ADCY2: variants seen among roughly 807,000 people sequenced by gnomAD.
ADCY2 encodes the protein adenylate cyclase 2.
In ADCY2, 31 loss-of-function variants were observed where a neutral mutation model predicts 125.2. The ratio of observed to expected loss-of-function variants is 0.25; its 90% confidence interval spans 0.19 to 0.33. The LOEUF is 0.33. ADCY2 is among the 10% of genes least tolerant of loss of function. ADCY2 has a pLI of 1.00. For missense variants in ADCY2, 904 were observed against 1,418.2 expected (o/e 0.64, Z 5.82); for synonymous variants, 512 against 548.4 (o/e 0.93, Z 0.93).
At chr5:7,561,519 T>C (rs1735707202) in intron 3 of ADCY2, among the ~76,000 whole-genome samples, 1 of 148,592 alleles carries the variant, frequency 6.7e-6, no homozygotes, top group South Asian at 2.1e-4. Flanking sequence ...TGATTTGTCA[T>C]TGATTGAAAC....
intron 5 of ADCY2, chr5:7,692,054 A>T (rs1579321001): frequency 1.3e-5 from 2 of 152,196 alleles, no homozygotes; most frequent in East Asian, 3.9e-4. Context: ...CTCCTCCAAC[A>T]CTGGGGATTA....
At chr5:7,571,312 G>A (rs1419276869) in intron 3 of ADCY2, among the ~76,000 whole-genome samples, 1 of 152,166 alleles carries the variant, frequency 6.6e-6, no homozygotes, top group African/African-American at 2.4e-5. Flanking sequence ...AGGGTGTTAA[G>A]TCCTGTTTGT....
intron 3 of ADCY2, among the ~76,000 whole-genome samples, chr5:7,538,404 G>C (rs1375780926): frequency 6.6e-6 from 1 of 152,174 alleles, no homozygotes; most frequent in African/African-American, 2.4e-5. Context: ...TTGGGAGTAT[G>C]TAATTCCCAG....
chr5:7,411,938 A>G (rs557250459), intron 1 of ADCY2, among the ~76,000 whole-genome samples: 2 of 151,490 alleles, frequency 1.3e-5, no homozygotes, highest in Non-Finnish European at 3.0e-5. Context: ...GGCCGGGCGT[A>G]GTGGCGGGCG....
intron 18 of ADCY2, among the ~76,000 whole-genome samples, chr5:7,777,999 G>A (rs1229737964): frequency 6.6e-6 from 1 of 152,142 alleles, no homozygotes; most frequent in Non-Finnish European, 1.5e-5. Context: ...TTTCTCAGAT[G>A]TTTCCTATTC....
At chr5:7,519,076 G>A (rs1030223906) in intron 2 of ADCY2, among the ~76,000 whole-genome samples, 2 of 152,166 alleles carry the variant, frequency 1.3e-5, no homozygotes, top group African/African-American at 2.4e-5. Flanking sequence ...CAGGACCCAC[G>A]TTTATTTTTA....
intron 2 of ADCY2, among the ~76,000 whole-genome samples, chr5:7,470,143 A>AT (rs35607096): frequency 3.3e-5 from 5 of 151,424 alleles, no homozygotes; most frequent in South Asian, 2.1e-4. Flanking sequence ...TTATCTCATG[A>AT]TTTTTTTTAT....
At chr5:7,704,953 C>T (rs1279520626) in intron 7 of ADCY2, among the ~76,000 whole-genome samples, 1 of 151,394 alleles carries the variant, frequency 6.6e-6, no homozygotes, top group Non-Finnish European at 1.5e-5. Flanking sequence ...AAAAAGACAA[C>T]ATGGAGACGG....
chr5:7,405,859 C>CATTT (rs1310323556), intron 1 of ADCY2, among the ~76,000 whole-genome samples: 3 of 152,042 alleles, frequency 2.0e-5, no homozygotes, highest in Non-Finnish European at 2.9e-5. Flanking sequence ...AGTTTATTCC[C>CATTT]ATTTATTTAT....
chr5:7,772,654 GT>G (rs566591630), intron 17 of ADCY2, among the ~76,000 whole-genome samples: 4 of 151,488 alleles, frequency 2.6e-5, no homozygotes, highest in African/African-American at 9.7e-5. Context: ...TTCCATATAA[GT>G]TTTTTTTACA....
chr5:7,440,933 G>T (rs540109635), intron 2 of ADCY2, among the ~76,000 whole-genome samples: 1 of 152,246 alleles, frequency 6.6e-6, no homozygotes, highest in Admixed American at 6.5e-5. Flanking sequence ...AGAAGATGCT[G>T]CTGTCTCCAC....
intron 21 of ADCY2, among the ~76,000 whole-genome samples, chr5:7,803,161 C>T (rs578060966): frequency 2.6e-5 from 4 of 152,234 alleles, no homozygotes; most frequent in Admixed American, 6.5e-5. Context: ...TTCATGGTGA[C>T]GTAATGACCG....
At chr5:7,562,022 G>T (rs1388333198) in intron 3 of ADCY2, among the ~76,000 whole-genome samples, 2 of 152,074 alleles carry the variant, frequency 1.3e-5, no homozygotes, top group Non-Finnish European at 2.9e-5. Context: ...AGGCCTTATA[G>T]ATTTCTTGTT....
At chr5:7,636,857 A>T (rs866486622) in intron 4 of ADCY2, among the ~76,000 whole-genome samples, 3 of 152,168 alleles carry the variant, frequency 2.0e-5, no homozygotes, top group South Asian at 2.1e-4. Flanking sequence ...CAATCATGCT[A>T]AAGTGACTGA....
intron 4 of ADCY2, among the ~76,000 whole-genome samples, chr5:7,688,234 C>G (rs998615493): frequency 6.6e-6 from 1 of 151,600 alleles, no homozygotes; most frequent in Non-Finnish European, 1.5e-5. Flanking sequence ...CTGTTCATGT[C>G]TGAGGATATG....
At chr5:7,427,550 A>G (rs1232839498) in intron 2 of ADCY2, among the ~76,000 whole-genome samples, 2 of 152,152 alleles carry the variant, frequency 1.3e-5, no homozygotes, top group Admixed American at 1.3e-4. Flanking sequence ...ACTTCCCATC[A>G]GGTCCCTCCC....
intron 2 of ADCY2, among the ~76,000 whole-genome samples, chr5:7,479,633 AT>A (rs11331294): frequency 0.57 from 84,303 of 147,410 alleles, 23,819 homozygotes; most frequent in African/African-American, 0.6. Context: ...TACAATTAAA[AT>A]TTTTTTTTTT....
intron 4 of ADCY2, among the ~76,000 whole-genome samples, chr5:7,641,454 G>A (rs1561140366): frequency 2.0e-5 from 3 of 152,026 alleles, no homozygotes; most frequent in African/African-American, 7.2e-5. Flanking sequence ...ATCGTTCTGT[G>A]TTTTATTATA....
At chr5:7,703,399 G>A (rs1337496687) in intron 7 of ADCY2, among the ~76,000 whole-genome samples, 2 of 152,154 alleles carry the variant, frequency 1.3e-5, no homozygotes, top group Admixed American at 6.5e-5. Context: ...ATTAATTTTT[G>A]TATAAGGTGT....
Sources: gnomAD v4.1 joint callset for allele counts (sites outside exome capture counted in the v4.1 genomes callset) on GRCh38, gnomAD v4.1.1 for gene constraint, MANE v1.5 for transcripts, NCBI Gene and HGNC (gene_info 2026-07-23, HGNC 2026-07-21) for gene names.